Variants in RREB1 observed in about 807,000 individuals in gnomAD.
RREB1 encodes ras responsive element binding protein 1, also known as ras-responsive element-binding protein 1.
RREB1 carries 27 observed loss-of-function variants against 117.8 expected under a neutral mutation model. That is an observed-to-expected ratio of 0.23 (90% CI 0.17 to 0.32). RREB1 has a LOEUF of 0.32. Ranked by LOEUF, RREB1 falls within the 10% of genes least tolerant of loss-of-function variation. RREB1 has a pLI of 1.00. For synonymous variants in RREB1, 1,298 were observed against 1,026.7 expected (o/e 1.26, Z -5.05); for missense variants, 2,577 against 2,378.2 (o/e 1.08, Z -1.74).
chr6:7,244,299 A>G (rs936923205), intron 11 of RREB1, among the ~76,000 whole-genome samples: 46 of 151,978 alleles, frequency 3.0e-4, no homozygotes, highest in Admixed American at 2.7e-3. Flanking sequence ...AAGGCCAGCC[A>G]CAGTTGCTTA....
chr6:7,147,744 T>G (rs1349885703), intron 1 of RREB1, among the ~76,000 whole-genome samples: 1 of 152,212 alleles, frequency 6.6e-6, no homozygotes, highest in Non-Finnish European at 1.5e-5. Context: ...CATAATGCTC[T>G]TCATTGTATC....
intron 6 of RREB1, among the ~76,000 whole-genome samples, chr6:7,208,618 C>T (rs1323891028): frequency 2.0e-5 from 3 of 152,252 alleles, no homozygotes; most frequent in African/African-American, 7.2e-5. Flanking sequence ...CTGCCTTGGC[C>T]TGCTTTGGTC....
At chr6:7,198,585 G>T (rs1205158089) in intron 6 of RREB1, among the ~76,000 whole-genome samples, 2 of 152,174 alleles carry the variant, frequency 1.3e-5, no homozygotes, top group Non-Finnish European at 2.9e-5. Context: ...TACGTAGTCA[G>T]CATAGTTGTA....
chr6:7,129,482 G>T (rs186841732), intron 1 of RREB1, among the ~76,000 whole-genome samples: 15 of 152,326 alleles, frequency 9.8e-5, no homozygotes, highest in African/African-American at 3.6e-4. Flanking sequence ...GGTGACTGCC[G>T]TGGCTCACTT....
chr6:7,187,628 C>G (rs1164784186), intron 5 of RREB1, 105 bp downstream of exon 5: 7 of 485,466 alleles, frequency 1.4e-5, no homozygotes, highest in East Asian at 4.4e-5. Flanking sequence ...AAGAGTAGAA[C>G]AAGGAGTTAA....
chr6:7,195,191 G>A (rs962714299), intron 6 of RREB1, among the ~76,000 whole-genome samples: 1 of 151,656 alleles, frequency 6.6e-6, no homozygotes, highest in African/African-American at 2.4e-5. Context: ...CACTTAATCT[G>A]TAATTTAAGT....
chr6:7,108,437 C>A (rs1024841275), intron 1 of RREB1, among the ~76,000 whole-genome samples: 16 of 152,056 alleles, frequency 1.1e-4, no homozygotes, highest in African/African-American at 3.9e-4. Context: ...ACCTGATGCG[C>A]ATCCATATTA....
chr6:7,129,481 C>T (rs1022232213), intron 1 of RREB1, among the ~76,000 whole-genome samples: 4 of 152,188 alleles, frequency 2.6e-5, no homozygotes, highest in East Asian at 3.8e-4. Context: ...GGGTGACTGC[C>T]GTGGCTCACT....
At position 7,246,763 on chromosome 6, in the gene RREB1, C is replaced by T; in HGVS notation, c.4313C>T (p.Ala1438Val). The T allele has an allele frequency of 1.9e-6, 3 of 1,561,138 alleles. No individual in the cohort carries two copies. The East Asian group carries it at 7.2e-5, about 37-fold the overall frequency. ...KLAEGDGEAG[A>V]GGAASQEQKL... Reference sequence around the variant, plus strand: ...GCGGAGGGCGACGGCGAGGCAGGCGCCGGGGGCGCGGCCTCGCAGGAGCAG... The same window carrying T: ...GCGGAGGGCGACGGCGAGGCAGGCGTCGGGGGCGCGGCCTCGCAGGAGCAG... Residue 1438 changes from alanine to valine, a missense_variant, in exon 12 of 13, where the codon GCC becomes GTC. Ala to Val is a moderately conservative substitution (Grantham distance 64, BLOSUM62 0). Coordinates refer to ENST00000379938, the MANE Select transcript of RREB1 (RefSeq NM_001003699.4).
In RREB1 at chr6:7,250,957, C is replaced by G. The variant is rs930311860; in HGVS notation, c.*1989C>G. On this transcript the variant is annotated 3_prime_UTR_variant, in exon 13 of 13. Transcript: ENST00000379938. Reference sequence around the variant, plus strand: ...TTAGTTAAAACCAGTTCATACATCCCTTAGGGTTTTTATTATTATTATTAT... The same window carrying G: ...TTAGTTAAAACCAGTTCATACATCCGTTAGGGTTTTTATTATTATTATTAT... The G allele has an allele frequency of 1.3e-5, 2 of 151,926 alleles. No individual in the cohort carries two copies. Among genetic ancestry groups the G allele is most frequent in the African/African-American group, 4.8e-5 (2 of 41,334 alleles). 9.4% of individuals were successfully genotyped at this position (151,926 alleles called of 1,614,324 possible). A position where few individuals can be genotyped will look rare whatever the true frequency, so the allele number is the denominator to read the frequency against.
In RREB1 at chr6:7,229,091, T is replaced by A. The variant is rs1767754659; in HGVS notation, c.992T>A (p.Leu331Gln). The change falls in exon 10 of 13, where the codon CTG becomes CAG. Residue 331 changes from leucine to glutamine, a missense_variant. Coordinates refer to ENST00000379938, the MANE Select transcript of RREB1 (RefSeq NM_001003699.4). The surrounding 1 kb of genome is among the most constrained non-coding windows in gnomAD (Gnocchi z 4.5). ...AAGGCGTTCCCCATGCTCTGCTCAC[T>A]GGCTCTGCACAAGCAGACCCATGTG... ...CDKAFPMLCS[L>Q]ALHKQTHVAA... is the part of the protein sequence containing the mutation. The A allele has an allele frequency of 1.3e-6, 2 of 1,599,758 alleles. No individual in the cohort carries two copies. The highest frequency in any genetic ancestry group is 1.7e-6 in the Non-Finnish European group (2 of 1,168,708).
At chr6:7,140,781 T>G (rs1762530496) in intron 1 of RREB1, 1 of 152,182 alleles carries the variant, frequency 6.6e-6, no homozygotes, top group African/African-American at 2.4e-5. Context: ...GTCCCTAAAC[T>G]TGAAAGTGGA....
At chr6:7,180,937 TTAAGA>T (rs1464525075) in intron 2 of RREB1, among the ~76,000 whole-genome samples, 182 bp from the exon 3 acceptor site, 1 of 152,056 alleles carries the variant, frequency 6.6e-6, no homozygotes, top group Non-Finnish European at 1.5e-5. Flanking sequence ...ACTGTAGGGG[TTAAGA>T]TAAGGTTGAG....
intron 1 of RREB1, among the ~76,000 whole-genome samples, chr6:7,167,603 C>A (rs1764010738): frequency 6.6e-6 from 1 of 152,306 alleles, no homozygotes; most frequent in Non-Finnish European, 1.5e-5. Context: ...AGTCTACCCG[C>A]CTCAGGCGTG....
At position 7,190,100 on chromosome 6, in the gene RREB1, A is replaced by G. The variant is rs1765324209; in HGVS notation, c.425+778A>G. 5.3e-5 allele frequency among the ~76,000 whole-genome samples: 8 copies of G among 152,246 alleles called. No individual in the cohort carries two copies. The South Asian group carries it at 8.3e-4, about 16-fold the overall frequency. ...GCTAGTTATATTTGGTTATATAAAC[A>G]CTAAAATGAGTTGGACCAGTTTATT... On this transcript the variant is annotated intron_variant, in intron 6 of 12. Coordinates refer to ENST00000379938, the MANE Select transcript of RREB1 (RefSeq NM_001003699.4).
chr6:7,179,440 A>G (rs1452278462), intron 2 of RREB1, among the ~76,000 whole-genome samples: 1 of 152,242 alleles, frequency 6.6e-6, no homozygotes, highest in Non-Finnish European at 1.5e-5. Context: ...AAGCAAGATC[A>G]TCTTCAAAAC....
Position 7,231,093 on chromosome 6 carries a change from G to A in RREB1, c.2994G>A (p.Ala998=), listed in dbSNP as rs775903166. 55 of 1,613,066 alleles carry A rather than the reference G, an allele frequency of 3.4e-5. No homozygotes were observed. Among genetic ancestry groups the A allele is most frequent in the Non-Finnish European group, 4.6e-5 (54 of 1,179,970 alleles). ...ILESPMAPAP[A]ATPEPPAQPL... ...AAAGCCCCATGGCCCCTGCTCCGGC[G>A]GCCACCCCGGAACCCCCAGCACAGC... Residue 998 remains alanine, a synonymous_variant, in exon 10 of 13, where the codon GCG becomes GCA. Transcript: ENST00000379938.
intron 1 of RREB1, among the ~76,000 whole-genome samples, chr6:7,121,720 C>A (rs945827849): frequency 6.6e-6 from 1 of 152,080 alleles, no homozygotes. Flanking sequence ...GACTTGCTCC[C>A]TACCCCCAGG....
chr6:7,238,512 C>T (rs934717577), intron 10 of RREB1, among the ~76,000 whole-genome samples: 1 of 152,250 alleles, frequency 6.6e-6, no homozygotes, highest in African/African-American at 2.4e-5. Flanking sequence ...GTTGGGATTA[C>T]AGGCGTGAGC....
Sources: gnomAD v4.1 joint callset for allele counts (sites outside exome capture counted in the v4.1 genomes callset) on GRCh38, gnomAD v4.1.1 for gene constraint, Gnocchi (gnomAD v3.1) non-coding constraint, MANE v1.5 for transcripts, NCBI Gene and HGNC (gene_info 2026-07-23, HGNC 2026-07-21) for gene names.